The following FOXJ3 variants were observed in gnomAD, a reference collection of about 807,000 sequenced individuals.
FOXJ3 encodes forkhead box protein J3.
A neutral mutation model predicts 76.1 loss-of-function variants in FOXJ3; 22 were observed. The observed-to-expected ratio is 0.29, with a 90% CI of 0.21 to 0.41. The LOEUF (loss-of-function observed/expected upper bound fraction) is 0.41, where lower values mean the gene tolerates loss of function less well. Among genes scored for constraint, FOXJ3 ranks in the 10% least tolerant of loss-of-function variants. FOXJ3 has a pLI of 1.00. For missense variants in FOXJ3, 613 were observed against 762.1 expected (o/e 0.80, Z 2.30); for synonymous variants, 269 against 261.2 (o/e 1.03, Z -0.29).
Position 42,178,494 on chromosome 1 carries a change from G to A in FOXJ3, c.*1216C>T, listed in dbSNP as rs933477934. On this transcript the variant is annotated 3_prime_UTR_variant, in exon 13 of 13. Transcript: ENST00000361346. ...TATCTGTAAATTCTTATCAAGAAAAGTAACGCTGGGCCAGGCGCAGTGGCT... is the reference window on the plus strand; with the variant it reads ...TATCTGTAAATTCTTATCAAGAAAAATAACGCTGGGCCAGGCGCAGTGGCT... 5.3e-5 allele frequency: 8 copies of A among 152,226 alleles called. No individual in the cohort carries two copies. Among genetic ancestry groups the A allele is most frequent in the Non-Finnish European group, 1.2e-4 (8 of 68,054 alleles). The allele number at this position is 152,226 out of a possible 1,614,324, so 9.4% of individuals were successfully genotyped here.
chr1:42,225,080 C>CA (rs1002123495), intron 5 of FOXJ3, among the ~76,000 whole-genome samples: 578 of 128,466 alleles, frequency 4.5e-3, no homozygotes, highest in Admixed American at 7.9e-3. Flanking sequence ...AGACTCCCCT[C>CA]AAAAAAAAAA....
chr1:42,210,967 A>C (rs1215648861), intron 5 of FOXJ3, among the ~76,000 whole-genome samples: 1 of 152,106 alleles, frequency 6.6e-6, no homozygotes, highest in East Asian at 1.9e-4. Flanking sequence ...TTAAGGGAGC[A>C]CCTCATGAGA....
At chr1:42,309,843 G>A (rs186813626) in intron 2 of FOXJ3, among the ~76,000 whole-genome samples, 328 of 152,332 alleles carry the variant, frequency 2.2e-3, no homozygotes, top group Non-Finnish European at 3.4e-3. Context: ...GAACATGGAA[G>A]CTTAAACCAG....
chr1:42,308,602 G>A (rs1372738277), intron 2 of FOXJ3, among the ~76,000 whole-genome samples: 1 of 152,086 alleles, frequency 6.6e-6, no homozygotes, highest in Non-Finnish European at 1.5e-5. Context: ...GGGCTTCTCG[G>A]TTTATAAATT....
At chr1:42,276,761 C>T (rs1411456709) in intron 3 of FOXJ3, among the ~76,000 whole-genome samples, 2 of 152,106 alleles carry the variant, frequency 1.3e-5, no homozygotes, top group South Asian at 2.1e-4. Flanking sequence ...TCCCCTTAAC[C>T]GAAGAATCAC....
chr1:42,191,472 C>T lies in FOXJ3; in HGVS notation c.1182G>A (p.Pro394=), dbSNP rs190141785. ...PHRPHGLPQH[P]QRSPHPAPHP... ...GTGGTGCTGGGTGTGGGGAACGCTG[C>T]GGATGCTGCGGTAAACCATGCGGTC... Residue 394 remains proline, a synonymous_variant, in exon 9 of 13, where the codon CCG becomes CCA. Coordinates refer to ENST00000361346, the MANE Select transcript of FOXJ3 (RefSeq NM_014947.5). The T allele has an allele frequency of 5.6e-6, 9 of 1,613,290 alleles. No homozygotes were observed. The highest frequency in any genetic ancestry group is 4.5e-5 in the East Asian group (2 of 44,862).
intron 4 of FOXJ3, among the ~76,000 whole-genome samples, chr1:42,258,136 C>T (rs1303272041): frequency 1.3e-5 from 2 of 152,216 alleles, no homozygotes; most frequent in Non-Finnish European, 2.9e-5. Flanking sequence ...TCTTCCTTAG[C>T]TTTCAATGCA....
chr1:42,224,916 AT>A (rs1647428985), intron 5 of FOXJ3, among the ~76,000 whole-genome samples: 1 of 151,762 alleles, frequency 6.6e-6, no homozygotes, highest in East Asian at 1.9e-4. Context: ...GCAAGACCCC[AT>A]CTCTACAAAA....
chr1:42,275,570 G>C (rs1652198912), intron 3 of FOXJ3, among the ~76,000 whole-genome samples: 2 of 152,138 alleles, frequency 1.3e-5, no homozygotes, highest in Non-Finnish European at 2.9e-5. Context: ...AGCTACTCAG[G>C]AGGACCACTT....
intron 9 of FOXJ3, among the ~76,000 whole-genome samples, chr1:42,190,458 G>A (rs1646519560): frequency 6.6e-6 from 1 of 152,214 alleles, no homozygotes; most frequent in South Asian, 2.1e-4. Flanking sequence ...AATTTGTTAG[G>A]TGGGAGGGGA....
intron 5 of FOXJ3, among the ~76,000 whole-genome samples, chr1:42,212,316 G>GA (rs1240728042): frequency 1.3e-5 from 2 of 151,848 alleles, no homozygotes; most frequent in Admixed American, 6.6e-5. Flanking sequence ...AAATGCAACA[G>GA]AAAAAATTTA....
chr1:42,202,048 T>A lies in FOXJ3; in HGVS notation c.631-2818A>T, dbSNP rs530441617. On this transcript the variant is annotated intron_variant, in intron 6 of 12. Coordinates refer to ENST00000361346, the MANE Select transcript of FOXJ3 (RefSeq NM_014947.5). The stretch of plus-strand genomic sequence containing the variant: ...AATTCTGTAGAATCCATATAGCTCC[T>A]TTTTTCATTCCAGATATCAGCAAAT... 1.5e-3 allele frequency among the ~76,000 whole-genome samples: 226 copies of A among 152,318 alleles called. 1 individual carries two copies. Among genetic ancestry groups the A allele is most frequent in the African/African-American group, 5.3e-3 (220 of 41,584 alleles).
chr1:42,321,323 A>T (rs1287958596), intron 1 of FOXJ3, among the ~76,000 whole-genome samples: 1 of 152,166 alleles, frequency 6.6e-6, no homozygotes, highest in East Asian at 1.9e-4. Context: ...ATGAAAAAAT[A>T]ATGTCTAAAC....
chr1:42,222,013 AAGGAGAAGGGGGAGGGGGAGGAGAAGG>A (rs1557649150), intron 5 of FOXJ3, among the ~76,000 whole-genome samples: 3 of 3,476 alleles, frequency 8.6e-4, no homozygotes, highest in Non-Finnish European at 1.4e-3. Context: ...GGAGGAGGAG[AAGGAGAAGGGGGAGGGGGAGGAGAAGG>A]AGAAGGAGAA....
chr1:42,256,368 C>T (rs943467758), intron 4 of FOXJ3, among the ~76,000 whole-genome samples: 1 of 152,118 alleles, frequency 6.6e-6, no homozygotes, highest in Non-Finnish European at 1.5e-5. Flanking sequence ...TTTTAAAACG[C>T]TTACAACTCA....
At chr1:42,179,921 A>G (rs1646284717) in intron 12 of FOXJ3, 96 bp from the exon 13 acceptor site, 3 of 743,348 alleles carry the variant, frequency 4.0e-6, no homozygotes, top group Non-Finnish European at 7.2e-6. Flanking sequence ...TGCCAGGCAC[A>G]CATTATCTCA....
At chr1:42,261,429 T>C (rs559256824) in intron 4 of FOXJ3, among the ~76,000 whole-genome samples, 8 of 152,162 alleles carry the variant, frequency 5.3e-5, no homozygotes, top group African/African-American at 1.4e-4. Context: ...AGTGGTAACA[T>C]AGCTGCTTGA....
chr1:42,322,423 A>G (rs1655485732), intron 1 of FOXJ3, among the ~76,000 whole-genome samples: 1 of 152,090 alleles, frequency 6.6e-6, no homozygotes, highest in Non-Finnish European at 1.5e-5. Flanking sequence ...AGGGGTGAAA[A>G]GACAGTGTCT....
chr1:42,205,797 A>G lies in FOXJ3; in HGVS notation c.595T>C (p.Ser199Pro). ...GMECIISGSA[S>P]PTLAINTVTN... is the part of the protein sequence containing the mutation. ...ACAGTGTTGATTGCCAGAGTTGGAG[A>G]GGCACTTCCCGAAATAATACACTCC... Residue 199 changes from serine (S) to proline (P), a missense_variant, in exon 6 of 13, where the codon TCT (serine) becomes CCT (proline). This residue lies in a region of FOXJ3 where 526 missense variants were observed against 601.4 expected (regional missense o/e 0.87). Transcript: ENST00000361346. The G allele has an allele frequency of 6.2e-7, 1 of 1,610,792 alleles. No individual in the cohort carries two copies. Among genetic ancestry groups the G allele is most frequent in the Non-Finnish European group, 8.5e-7 (1 of 1,177,032 alleles).
Sources: gnomAD v4.1 joint callset for allele counts (sites outside exome capture counted in the v4.1 genomes callset) on GRCh38, gnomAD v4.1.1 for gene constraint, gnomAD v4.1.1 regional missense constraint, MANE v1.5 for transcripts, NCBI Gene and HGNC (gene_info 2026-07-23, HGNC 2026-07-21) for gene names.